Variants in FAM124A observed in about 807,000 individuals in gnomAD.
FAM124A encodes the protein protein FAM124A.
A neutral mutation model predicts 24.5 loss-of-function variants in FAM124A; 23 were observed. The observed-to-expected ratio is 0.94, with a 90% CI of 0.68 to 1.33. FAM124A has a LOEUF of 1.33. Ranked by LOEUF, FAM124A falls within the 40% of genes most tolerant of loss-of-function variation. The pLI, the probability that FAM124A is intolerant of heterozygous loss-of-function variation, is 0.00. For missense variants in FAM124A, 623 were observed against 722.8 expected, an observed-to-expected ratio of 0.86 and a Z score of 1.58; for synonymous variants, 287 against 314.7, an observed-to-expected ratio of 0.91 and a Z score of 0.93.
At position 51,280,891 on chromosome 13, in the gene FAM124A, T is replaced by C. The variant is rs377315859; in HGVS notation, c.1276T>C (p.Ser426Pro). ...TGLRLSSSDL[S>P]VVSAYSAPSR... ...CCTGCGGCTGTCCTCATCGGACCTG[T>C]CTGTGGTCTCTGCATATTCTGCACC... is the stretch of plus-strand genomic sequence containing the variant. Residue 426 changes from serine to proline, a missense_variant, in exon 4 of 4, where the codon TCT (serine) becomes CCT (proline). Ser to Pro is a moderately conservative substitution (Grantham distance 74). Coordinates refer to ENST00000322475, the MANE Select transcript of FAM124A (RefSeq NM_001242312.2). 103 of 1,614,014 alleles carry C rather than the reference T, an allele frequency of 6.4e-5. No homozygotes were observed. The highest frequency in any genetic ancestry group is 1.0e-4 in the Admixed American group (6 of 59,996).
At chr13:51,252,250 T>G (rs778919159) in intron 3 of FAM124A, 49 bp downstream of exon 3, 45 of 1,583,180 alleles carry the variant, frequency 2.8e-5, no homozygotes, top group Non-Finnish European at 3.8e-5. Flanking sequence ...GAGAAACCAG[T>G]TAGCTTTGCC....
intron 2 of FAM124A, among the ~76,000 whole-genome samples, chr13:51,240,593 A>T (rs1954480093): frequency 6.6e-6 from 1 of 152,208 alleles, no homozygotes; most frequent in Non-Finnish European, 1.5e-5. Flanking sequence ...CTGGGAAGTT[A>T]GAGGTCTCTC....
In FAM124A at chr13:51,225,236, T is replaced by A. The variant is rs1378399358; in HGVS notation, c.68+2667T>A. 5 of 152,300 alleles carry A rather than the reference T, an allele frequency of 3.3e-5. No individual in the cohort carries two copies. In the East Asian group the frequency reaches 9.6e-4, roughly 29 times the overall value. 9.4% of individuals were successfully genotyped at this position (152,300 alleles called of 1,614,324 possible). On this transcript the variant is annotated intron_variant, in intron 1 of 3. Transcript: ENST00000322475. The stretch of plus-strand genomic sequence containing the variant: ...AAGACATCCAAGTAAAGATGATGAA[T>A]CAGCAGTTGGGTATATCTGTCTGGA...
At chr13:51,246,394 T>G (rs1328258515) in intron 2 of FAM124A, among the ~76,000 whole-genome samples, 1 of 55,188 alleles carries the variant, frequency 1.8e-5, no homozygotes, top group Non-Finnish European at 5.3e-5. Context: ...GAGGCATGTT[T>G]CTCGTGGGGT....
rs1228880903 is a variant in FAM124A, at chr13:51,258,164, C to A, written c.834+5963C>A. On this transcript the variant is annotated intron_variant, in intron 3 of 3. Coordinates refer to ENST00000322475, the MANE Select transcript of FAM124A (RefSeq NM_001242312.2). The surrounding 1 kb of genome is among the most constrained non-coding windows in gnomAD (Gnocchi z 4.2). ...CCTGTGTGTGTCATCTCCAAATTTTCCCTTTATGTAAGGACACCAGTTCTA... is the reference window on the plus strand; with the variant it reads ...CCTGTGTGTGTCATCTCCAAATTTTACCTTTATGTAAGGACACCAGTTCTA... Among the ~76,000 whole-genome samples, 1 of 152,200 alleles carries A rather than the reference C, an allele frequency of 6.6e-6. No homozygotes were observed. Among genetic ancestry groups the A allele is most frequent in the Non-Finnish European group, 1.5e-5 (1 of 68,036 alleles).
intron 2 of FAM124A, among the ~76,000 whole-genome samples, chr13:51,239,318 A>G (rs764117709): frequency 5.9e-5 from 9 of 152,344 alleles, no homozygotes; most frequent in Non-Finnish European, 1.2e-4. Context: ...ACCATTATAC[A>G]TAATTTGGTG....
At chr13:51,225,773 G>A (rs1244566539) in intron 1 of FAM124A, among the ~76,000 whole-genome samples, 1 of 152,088 alleles carries the variant, frequency 6.6e-6, no homozygotes, top group African/African-American at 2.4e-5. Context: ...AGTAGAAGGT[G>A]AAGAAAAGGA....
intron 2 of FAM124A, among the ~76,000 whole-genome samples, chr13:51,238,286 A>T (rs190787826): frequency 1.2e-3 from 173 of 150,034 alleles, no homozygotes; most frequent in African/African-American, 4.3e-3. Flanking sequence ...CATCAGCATC[A>T]CCAGGAGCTT....
intron 3 of FAM124A, among the ~76,000 whole-genome samples, chr13:51,255,971 G>A (rs1179749989): frequency 6.6e-6 from 1 of 152,198 alleles, no homozygotes; most frequent in Non-Finnish European, 1.5e-5. Flanking sequence ...TATTCTCTAT[G>A]TGATAGGTAA....
chr13:51,251,359 T>A lies in FAM124A; in HGVS notation c.101-109T>A. The A allele has an allele frequency of 7.5e-7, 1 of 1,334,682 alleles. No homozygotes were observed. The highest frequency in any genetic ancestry group is 9.8e-7 in the Non-Finnish European group (1 of 1,019,454). 82.7% of individuals were successfully genotyped at this position (1,334,682 alleles called of 1,614,324 possible). A position where few individuals can be genotyped will look rare whatever the true frequency, so the allele number is the denominator to read the frequency against. On this transcript the variant is annotated intron_variant, in intron 2 of 3. Transcript: ENST00000322475. The surrounding 1 kb of genome is among the most constrained non-coding windows in gnomAD (Gnocchi z 5.3). ...TCACAGGTCATGGAGTCAGTTCAGT[T>A]AGAATTTGACTTCTCTTCCTGTCAA...
intron 3 of FAM124A, among the ~76,000 whole-genome samples, chr13:51,260,712 A>T (rs1295735714): frequency 1.3e-5 from 2 of 152,162 alleles, no homozygotes; most frequent in African/African-American, 2.4e-5. Flanking sequence ...CAACTCATGG[A>T]CCCAGTAGAG....
intron 3 of FAM124A, among the ~76,000 whole-genome samples, chr13:51,254,474 A>G (rs1954656244): frequency 6.6e-6 from 1 of 152,190 alleles, no homozygotes; most frequent in Admixed American, 6.5e-5. Context: ...AATGGAAAGA[A>G]AGCTGTCCTC....
intron 1 of FAM124A, 70 bp downstream of exon 1, chr13:51,222,639 G>T: frequency 8.4e-7 from 1 of 1,194,974 alleles, no homozygotes; most frequent in Non-Finnish European, 1.0e-6. Flanking sequence ...CTCCCCGGAC[G>T]GGGACCCTCC....
chr13:51,234,349 C>T (rs1954413121), intron 2 of FAM124A, among the ~76,000 whole-genome samples: 1 of 152,182 alleles, frequency 6.6e-6, no homozygotes, highest in Non-Finnish European at 1.5e-5. Context: ...CCAGAGAGCA[C>T]CATTCTATTT....
chr13:51,244,476 A>C (rs1954534559), intron 2 of FAM124A, among the ~76,000 whole-genome samples: 1 of 152,236 alleles, frequency 6.6e-6, no homozygotes, highest in African/African-American at 2.4e-5. Context: ...TTGTGTCTAA[A>C]GTGACAATCA....
intron 3 of FAM124A, among the ~76,000 whole-genome samples, chr13:51,256,711 C>T (rs1224090758): frequency 6.6e-6 from 1 of 152,100 alleles, no homozygotes; most frequent in Non-Finnish European, 1.5e-5. Flanking sequence ...TAAAATTTAC[C>T]ATTTTAGCCA....
chr13:51,237,451 C>T (rs968810735), intron 2 of FAM124A, among the ~76,000 whole-genome samples: 16 of 152,206 alleles, frequency 1.1e-4, no homozygotes, highest in African/African-American at 3.4e-4. Flanking sequence ...ACATTTAAGA[C>T]CATGTCCTGG....
intron 3 of FAM124A, among the ~76,000 whole-genome samples, chr13:51,279,598 C>T (rs746067335): frequency 1.3e-5 from 2 of 152,070 alleles, no homozygotes; most frequent in Admixed American, 6.5e-5. Context: ...GGTGCAAATG[C>T]GCATTGGAAG....
intron 1 of FAM124A, among the ~76,000 whole-genome samples, chr13:51,223,829 C>G (rs1380694963): frequency 1.3e-5 from 2 of 152,022 alleles, no homozygotes; most frequent in East Asian, 3.9e-4. Context: ...TCAACTTTAA[C>G]AAGATTATTG....
Sources: gnomAD v4.1 joint callset for allele counts (sites outside exome capture counted in the v4.1 genomes callset) on GRCh38, gnomAD v4.1.1 for gene constraint, Gnocchi (gnomAD v3.1) non-coding constraint, MANE v1.5 for transcripts, NCBI Gene and HGNC (gene_info 2026-07-23, HGNC 2026-07-21) for gene names.